Variants in SLC35F2 observed in about 807,000 individuals in gnomAD.
SLC35F2 encodes the protein solute carrier family 35 member F2.
SLC35F2 carries 25 observed loss-of-function variants against 38.1 expected under a neutral mutation model. The ratio of observed to expected loss-of-function variants is 0.66; its 90% CI spans 0.48 to 0.92. The LOEUF is 0.92. Among genes scored for constraint, SLC35F2 ranks in the 40% least tolerant of loss-of-function variants. SLC35F2 has a pLI of 0.00. For synonymous variants in SLC35F2, 173 were observed against 181.7 expected, an observed-to-expected ratio of 0.95 and a Z score of 0.38; for missense variants, 409 against 452.9, an observed-to-expected ratio of 0.90 and a Z score of 0.88.
chr11:107,815,644 G>A, intron 2 of SLC35F2, 146 bp downstream of exon 2: 1 of 840,392 alleles, frequency 1.2e-6, no homozygotes, highest in Non-Finnish European at 1.8e-6. Context: ...CAAACAGTAT[G>A]GTGCTACTTA....
chr11:107,833,693 A>G (rs1316760955), intron 1 of SLC35F2, among the ~76,000 whole-genome samples: 1 of 152,128 alleles, frequency 6.6e-6, no homozygotes, highest in Non-Finnish European at 1.5e-5. Context: ...GGCGAGTTAG[A>G]GAAAACGCCA....
intron 1 of SLC35F2, among the ~76,000 whole-genome samples, chr11:107,841,959 G>C (rs899572387): frequency 6.6e-6 from 1 of 151,114 alleles, no homozygotes; most frequent in Non-Finnish European, 1.5e-5. Flanking sequence ...CCAGCTACTC[G>C]GGAGGCTGAG....
chr11:107,802,902 T>G, intron 7 of SLC35F2, 99 bp downstream of exon 7: 8 of 1,194,228 alleles, frequency 6.7e-6, no homozygotes, highest in Non-Finnish European at 6.9e-6. Context: ...GCCAAGAAGA[T>G]GAGAAGGTTT....
chr11:107,841,223 T>C (rs1355549885), intron 1 of SLC35F2, among the ~76,000 whole-genome samples: 1 of 152,022 alleles, frequency 6.6e-6, no homozygotes, highest in Non-Finnish European at 1.5e-5. Context: ...AGGAAAATAA[T>C]ATGGAAAAGG....
intron 1 of SLC35F2, 29 bp downstream of exon 1, chr11:107,858,629 C>G (rs1482913815): frequency 7.9e-7 from 1 of 1,266,802 alleles, no homozygotes; most frequent in African/African-American, 1.5e-5. Context: ...CACGCCCCAG[C>G]GGAGCTGCAG....
At chr11:107,837,144 C>T (rs1472177011) in intron 1 of SLC35F2, among the ~76,000 whole-genome samples, 1 of 152,144 alleles carries the variant, frequency 6.6e-6, no homozygotes, top group African/African-American at 2.4e-5. Context: ...TCCCATGTGA[C>T]TTAGTGAAGA....
intron 3 of SLC35F2, among the ~76,000 whole-genome samples, chr11:107,807,500 C>T (rs1381203478): frequency 6.6e-6 from 1 of 151,912 alleles, no homozygotes; most frequent in African/African-American, 2.4e-5. Context: ...TTGCTGTATA[C>T]AAGAATTCTG....
rs1274330535 is a variant in SLC35F2 at position 107,816,052 on chromosome 11, A to ACACT, written c.111-88_111-87insAGTG. 9 of 1,354,754 alleles carry ACACT rather than the reference A, an allele frequency of 6.6e-6. No individual in the cohort carries two copies. The African/African-American group carries it at 1.2e-4, about 18-fold the overall frequency. The allele number at this position is 1,354,754 out of a possible 1,614,324, so 83.9% of individuals were successfully genotyped here. A position where few individuals can be genotyped will look rare whatever the true frequency, so the allele number is the denominator to read the frequency against. The stretch of plus-strand genomic sequence containing the variant: ...CACACACACACACACACACACACAC[A>ACACT]CTGCTAAACACAAAGGGAAATGCTA... On this transcript the variant is annotated intron_variant, in intron 1 of 7. Transcript: ENST00000525815.
At chr11:107,821,605 A>C in intron 1 of SLC35F2, 4 of 985,452 alleles carry the variant, frequency 4.1e-6, no homozygotes, top group Non-Finnish European at 4.8e-6. Flanking sequence ...GTCCTGGTTC[A>C]TGTGAATTCT....
chr11:107,840,477 CTATT>C (rs1354985487), intron 1 of SLC35F2, among the ~76,000 whole-genome samples: 4 of 152,196 alleles, frequency 2.6e-5, no homozygotes, highest in African/African-American at 9.7e-5. Flanking sequence ...TTCTCTTTAA[CTATT>C]GTAAAAACTA....
intron 1 of SLC35F2, among the ~76,000 whole-genome samples, chr11:107,845,813 C>A (rs577768973): frequency 4.9e-4 from 74 of 151,850 alleles, no homozygotes; most frequent in African/African-American, 1.8e-3. Flanking sequence ...ATTAGCTGGG[C>A]GTGGTGGTGT....
intron 6 of SLC35F2, chr11:107,803,366 A>G (rs971407155): frequency 4.0e-5 from 39 of 985,296 alleles, no homozygotes; most frequent in Admixed American, 2.5e-4. Context: ...AGGACCTCAA[A>G]AAATCCAACA....
intron 5 of SLC35F2, 69 bp downstream of exon 5, chr11:107,805,289 GA>G: frequency 1.4e-6 from 2 of 1,464,816 alleles, no homozygotes; most frequent in South Asian, 2.9e-5. Context: ...AATAAACAAT[GA>G]ATATTAGTAG....
chr11:107,806,849 A>G lies in SLC35F2; in HGVS notation c.442T>C (p.Leu148=), dbSNP rs376272486. 2.5e-6 allele frequency: 4 copies of G among 1,613,986 alleles called. No individual in the cohort carries two copies. The African/African-American group carries it at 5.3e-5, about 22-fold the overall frequency. ...AGAATAAACCATGACAGAGCCATCA[A>G]CACAGGAATCCCAAAGCAATCCAAA... ...QLLDCFGIPV[L]MALSWFILHA... is the part of the protein sequence containing the mutation. The change falls in exon 4 of 8, where the codon TTG becomes CTG. Residue 148 remains leucine, a synonymous_variant. Coordinates refer to ENST00000525815, the MANE Select transcript of SLC35F2 (RefSeq NM_017515.5).
At chr11:107,842,126 G>T (rs966501222) in intron 1 of SLC35F2, among the ~76,000 whole-genome samples, 1 of 150,394 alleles carries the variant, frequency 6.6e-6, no homozygotes, top group African/African-American at 2.4e-5. Flanking sequence ...AATTAGCTGG[G>T]CGTGGTGGTG....
intron 2 of SLC35F2, among the ~76,000 whole-genome samples, chr11:107,814,219 G>A (rs754535933): frequency 2.6e-5 from 4 of 152,070 alleles, no homozygotes; most frequent in Non-Finnish European, 5.9e-5. Context: ...TATAATCCCC[G>A]CACTTTGGGA....
chr11:107,841,312 C>T (rs1194477688), intron 1 of SLC35F2, among the ~76,000 whole-genome samples: 1 of 152,178 alleles, frequency 6.6e-6, no homozygotes, highest in East Asian at 1.9e-4. Context: ...CCTGTAATCC[C>T]AGCACTTTGG....
At chr11:107,842,287 T>TAAAAAAAA (rs1292690214) in intron 1 of SLC35F2, among the ~76,000 whole-genome samples, 291 of 71,012 alleles carry the variant, frequency 4.1e-3, no homozygotes, top group Middle Eastern at 8.1e-3. Context: ...AAAAAAAAAT[T>TAAAAAAAA]AAAGCTTGAC....
In SLC35F2 at chr11:107,793,098, G is replaced by A. The variant is rs534493638; in HGVS notation, c.940-298C>T. Among the ~76,000 whole-genome samples the A allele has an allele frequency of 8.0e-5, 10 of 124,624 alleles. No homozygotes were observed. In the South Asian group the frequency reaches 1.8e-3, roughly 22 times the overall value. 81.8% of individuals were successfully genotyped at this position (124,624 alleles called of 152,430 possible). On this transcript the variant is annotated intron_variant, in intron 7 of 7. Transcript: ENST00000525815. ...CACCCGGCCAATTTTTGTGTTTTCT[G>A]TAGAGACGGGGTTTTTCCATGTTGC...
Sources: allele counts gnomAD v4.1 joint callset (sites outside exome capture counted in the v4.1 genomes callset), GRCh38; gene constraint gnomAD v4.1.1; transcripts MANE v1.5; gene names NCBI Gene and HGNC (gene_info 2026-07-23, HGNC 2026-07-21).